CTNNA3: variants seen among roughly 807,000 people sequenced by gnomAD.
The protein encoded by CTNNA3 is catenin alpha-3.
In CTNNA3, 76 loss-of-function variants were observed where a neutral mutation model predicts 95.7. That is an observed-to-expected ratio of 0.79 (90% confidence interval 0.66 to 0.96). CTNNA3 has a LOEUF of 0.96. CTNNA3 is among the 40% of genes least tolerant of loss of function. The probability of loss-of-function intolerance (pLI) is 0.00; values close to 1 mark genes in which losing one functional copy is unlikely to be tolerated. For synonymous variants in CTNNA3, 431 were observed against 374.4 expected (o/e 1.15, Z -1.74); for missense variants, 1,191 against 1,089.8 (o/e 1.09, Z -1.31).
intron 9 of CTNNA3, among the ~76,000 whole-genome samples, chr10:66,631,463 A>G (rs1306229709): frequency 1.3e-5 from 2 of 152,168 alleles, no homozygotes; most frequent in Non-Finnish European, 2.9e-5. Flanking sequence ...TGAACAAATG[A>G]CTCATGACTG....
intron 15 of CTNNA3, among the ~76,000 whole-genome samples, chr10:66,005,396 G>T (rs1279912796): frequency 6.6e-6 from 1 of 152,166 alleles, no homozygotes; most frequent in Non-Finnish European, 1.5e-5. Context: ...CGGTGTTATG[G>T]TGATTATTTC....
chr10:66,913,502 A>G lies in CTNNA3; in HGVS notation c.1048-137978T>C, dbSNP rs865930320. Among the ~76,000 whole-genome samples, 132 of 152,218 alleles carry G rather than the reference A, an allele frequency of 8.7e-4. 2 individuals are homozygous for G. In the Middle Eastern group the frequency reaches 0.02, roughly 24 times the overall value. ...ATCTGAAACACGGCAGATTGATCGCATGCTTTTATTGTCTCTTTCACGTCA... is the reference window on the plus strand; with the variant it reads ...ATCTGAAACACGGCAGATTGATCGCGTGCTTTTATTGTCTCTTTCACGTCA... On this transcript the variant is annotated intron_variant, in intron 7 of 17. Transcript: ENST00000433211.
At chr10:66,124,561 C>A (rs2082728267) in intron 13 of CTNNA3, among the ~76,000 whole-genome samples, 1 of 152,140 alleles carries the variant, frequency 6.6e-6, no homozygotes, top group South Asian at 2.1e-4. Flanking sequence ...GTACTGGTAC[C>A]AATTTACTGT....
chr10:67,534,421 T>C (rs531332643), intron 4 of CTNNA3, among the ~76,000 whole-genome samples: 48 of 152,230 alleles, frequency 3.2e-4, no homozygotes, highest in African/African-American at 1.0e-3. Context: ...GAGAGATAAC[T>C]ATTCTTTACT....
At chr10:66,090,645 A>G (rs768191868) in intron 14 of CTNNA3, among the ~76,000 whole-genome samples, 2 of 152,014 alleles carry the variant, frequency 1.3e-5, no homozygotes, top group Non-Finnish European at 2.9e-5. Flanking sequence ...TGGTCTTAGC[A>G]TCAGAAACGA....
At chr10:66,063,563 T>C (rs138299521) in intron 15 of CTNNA3, among the ~76,000 whole-genome samples, 22 of 151,842 alleles carry the variant, frequency 1.4e-4, no homozygotes, top group Middle Eastern at 6.8e-3. Context: ...AAGATTCCTA[T>C]ACGCCACTAT....
chr10:67,105,152 C>T (rs1180335942), intron 7 of CTNNA3, among the ~76,000 whole-genome samples: 1 of 151,742 alleles, frequency 6.6e-6, no homozygotes. Flanking sequence ...AACATTTATG[C>T]CATCAAGTGT....
At chr10:67,503,318 A>T (rs186027769) in intron 5 of CTNNA3, among the ~76,000 whole-genome samples, 5 of 152,162 alleles carry the variant, frequency 3.3e-5, no homozygotes, top group African/African-American at 1.2e-4. Flanking sequence ...ACCAGTCCCA[A>T]TGAGATGAGC....
Position 66,720,457 on chromosome 10 carries a change from C to T in CTNNA3, c.1281+45807G>A, listed in dbSNP as rs571739863. Among the ~76,000 whole-genome samples, 24 of 152,268 alleles carry T rather than the reference C, an allele frequency of 1.6e-4. No individual in the cohort carries two copies. The South Asian group carries it at 4.4e-3, about 28-fold the overall frequency. On this transcript the variant is annotated intron_variant, in intron 9 of 17. Coordinates refer to ENST00000433211, the MANE Select transcript of CTNNA3 (RefSeq NM_013266.4). ...AGGTTTGGCTGGTCCTGGACAAAAC[C>T]GCCTTCTCCAGAATGGGATTTAGAG...
chr10:66,696,121 C>T (rs1847753618), intron 9 of CTNNA3, among the ~76,000 whole-genome samples: 1 of 152,054 alleles, frequency 6.6e-6, no homozygotes, highest in Non-Finnish European at 1.5e-5. Context: ...TACAGCAAAG[C>T]AAATGACTTT....
intron 7 of CTNNA3, among the ~76,000 whole-genome samples, chr10:67,162,473 T>C (rs527832942): frequency 1.3e-5 from 2 of 151,754 alleles, no homozygotes; most frequent in Non-Finnish European, 2.9e-5. Flanking sequence ...AGAAAATTGA[T>C]TATTGAAAGA....
chr10:66,587,244 G>A (rs1452820950), intron 10 of CTNNA3, among the ~76,000 whole-genome samples: 2 of 152,156 alleles, frequency 1.3e-5, no homozygotes, highest in African/African-American at 2.4e-5. Context: ...AGCTGAGGTT[G>A]CATAAAAGTT....
chr10:66,323,607 G>A (rs186036851), intron 12 of CTNNA3, among the ~76,000 whole-genome samples: 9 of 150,172 alleles, frequency 6.0e-5, no homozygotes, highest in Admixed American at 4.0e-4. Context: ...AGCCAAGATC[G>A]TGCCACTGCA....
chr10:67,242,208 C>T (rs117691146), intron 5 of CTNNA3, among the ~76,000 whole-genome samples: 3,357 of 152,168 alleles, frequency 0.022, 57 homozygotes, highest in Non-Finnish European at 0.034. Context: ...GTCAAAACTA[C>T]AAGATTAAAA....
upstream of CTNNA3, among the ~76,000 whole-genome samples, chr10:67,699,702 G>C (rs1841018947): frequency 6.6e-6 from 1 of 152,238 alleles, no homozygotes; most frequent in Admixed American, 6.5e-5. Flanking sequence ...CGACGCAGAA[G>C]ACGGGTGATT....
intron 6 of CTNNA3, among the ~76,000 whole-genome samples, chr10:67,200,544 G>A (rs1863600015): frequency 6.6e-6 from 1 of 152,166 alleles, no homozygotes; most frequent in Non-Finnish European, 1.5e-5. Flanking sequence ...CTGCCTGAAT[G>A]AGGTAAAGTG....
chr10:66,262,027 T>A (rs1298829974), intron 13 of CTNNA3, among the ~76,000 whole-genome samples: 2 of 152,000 alleles, frequency 1.3e-5, no homozygotes, highest in Non-Finnish European at 2.9e-5. Flanking sequence ...TAACCTCGTG[T>A]CTCAGCATAT....
intron 13 of CTNNA3, among the ~76,000 whole-genome samples, chr10:66,114,197 T>C (rs73312127): frequency 0.022 from 3,277 of 152,286 alleles, 119 homozygotes; most frequent in African/African-American, 0.075. Context: ...TGATTTTTTT[T>C]ATCTTATCCT....
intron 3 of CTNNA3, among the ~76,000 whole-genome samples, chr10:67,563,273 T>G (rs11523349): frequency 0.17 from 25,389 of 149,938 alleles, 1,388 homozygotes; most frequent in African/African-American, 0.37. Context: ...AACAGCATGG[T>G]ACTGGTACCA....
Sources: allele counts gnomAD v4.1 joint callset (sites outside exome capture counted in the v4.1 genomes callset), GRCh38; gene constraint gnomAD v4.1.1; transcripts MANE v1.5; gene names NCBI Gene and HGNC (gene_info 2026-07-23, HGNC 2026-07-21).